The following ALG5 variants were observed in gnomAD, a reference collection of about 807,000 sequenced individuals.
ALG5 encodes ALG5 dolichyl-phosphate beta-glucosyltransferase, also known as dolichyl-phosphate beta-glucosyltransferase.
Under a neutral mutation model 51.8 loss-of-function variants are expected in ALG5, and 26 were observed. The ratio of observed to expected loss-of-function variants is 0.50; its 90% confidence interval spans 0.37 to 0.70. ALG5 has a LOEUF of 0.70. Among genes scored for constraint, ALG5 ranks in the 30% least tolerant of loss-of-function variants. The pLI, the probability that ALG5 is intolerant of heterozygous loss-of-function variation, is 0.00. For synonymous variants in ALG5, 141 were observed against 136.1 expected (o/e 1.04, Z -0.25); for missense variants, 311 against 399.3 (o/e 0.78, Z 1.88).
chr13:36,969,658 C>T (rs1292965491), intron 7 of ALG5, among the ~76,000 whole-genome samples: 2 of 151,976 alleles, frequency 1.3e-5, no homozygotes, highest in Non-Finnish European at 2.9e-5. Context: ...CCTCAGTCTC[C>T]CAAGTAGCTG....
At chr13:36,987,300 C>T (rs1475712989) in intron 5 of ALG5, among the ~76,000 whole-genome samples, 2 of 152,142 alleles carry the variant, frequency 1.3e-5, no homozygotes, top group Admixed American at 1.3e-4. Flanking sequence ...TCCCTGTTAC[C>T]CAAGGCCAGT....
intron 6 of ALG5, among the ~76,000 whole-genome samples, chr13:36,979,997 A>C (rs1052412021): frequency 5.9e-5 from 9 of 152,212 alleles, no homozygotes; most frequent in Non-Finnish European, 1.2e-4. Context: ...CAGTGAGCCA[A>C]GATCGCATCA....
intron 8 of ALG5, among the ~76,000 whole-genome samples, chr13:36,962,073 C>A (rs1593661741): frequency 6.6e-6 from 1 of 152,336 alleles, no homozygotes; most frequent in East Asian, 1.9e-4. Context: ...CAGGCGTGAG[C>A]CACTACGCCC....
At chr13:36,972,188 T>C (rs2058927155) in intron 6 of ALG5, 152 bp from the exon 7 acceptor site, 1 of 695,920 alleles carries the variant, frequency 1.4e-6, no homozygotes, top group East Asian at 2.9e-5. Context: ...TCAGAATATG[T>C]ACAACTTTGA....
intron 8 of ALG5, among the ~76,000 whole-genome samples, chr13:36,959,962 G>C (rs974612176): frequency 2.6e-5 from 4 of 151,916 alleles, no homozygotes; most frequent in African/African-American, 9.7e-5. Flanking sequence ...AAGAAATGCA[G>C]AATCTGTGTT....
chr13:36,962,683 C>A (rs1220524148), intron 8 of ALG5, among the ~76,000 whole-genome samples: 1 of 151,938 alleles, frequency 6.6e-6, no homozygotes, highest in Admixed American at 6.6e-5. Context: ...AAAAGGCTTG[C>A]ATGTAACATT....
In ALG5 at chr13:36,995,573, A is replaced by G. The variant is rs889915349; in HGVS notation, c.90T>C (p.Thr30=). The G allele has an allele frequency of 5.2e-5, 84 of 1,602,882 alleles. No homozygotes were observed. The highest frequency in any genetic ancestry group is 6.7e-5 in the Non-Finnish European group (79 of 1,177,666). ...GATGGAGTGCTGGCATTTTTGTAGC[A>G]GTTGTAAATGCAACGATGGAAATCT... The part of the protein sequence containing the change: ...LVLISIVAFT[T]ATKMPALHRH... Residue 30 remains threonine, a synonymous_variant, in exon 2 of 10, where the codon ACT becomes ACC. Transcript: ENST00000239891.
chr13:36,967,862 G>A (rs747381845), intron 7 of ALG5: 9 of 1,070,484 alleles, frequency 8.4e-6, no homozygotes, highest in Non-Finnish European at 1.1e-5. Flanking sequence ...ATTAAAGGTA[G>A]AAAAACAATA....
At chr13:36,992,858 T>G (rs1358165177) in intron 4 of ALG5, among the ~76,000 whole-genome samples, 1 of 152,170 alleles carries the variant, frequency 6.6e-6, no homozygotes, top group Non-Finnish European at 1.5e-5. Flanking sequence ...CTAAATATAA[T>G]TTCAACTTTC....
At chr13:36,975,895 C>T (rs2058947926) in intron 6 of ALG5, among the ~76,000 whole-genome samples, 1 of 151,698 alleles carries the variant, frequency 6.6e-6, no homozygotes, top group South Asian at 2.1e-4. Flanking sequence ...GTAGCGTGCC[C>T]CTGTAGTCCC....
rs999890561 is a variant in ALG5, at chr13:36,989,727, G to A, written c.355-151C>T. ...CCACTGTACATTCTGATGACCTGGA[G>A]GAGCTGTAGAAATCTTGGTGCCATT... On this transcript the variant is annotated intron_variant, in intron 4 of 9. Transcript: ENST00000239891. 5.0e-6 allele frequency: 3 copies of A among 595,284 alleles called. No homozygotes were observed. The African/African-American group carries it at 5.6e-5, about 11-fold the overall frequency. 36.9% of individuals were successfully genotyped at this position (595,284 alleles called of 1,614,324 possible).
intron 9 of ALG5, among the ~76,000 whole-genome samples, chr13:36,951,456 A>C (rs2058817636): frequency 6.6e-6 from 1 of 152,210 alleles, no homozygotes. Flanking sequence ...TTCTGTCCCT[A>C]AACATCTGAG....
At chr13:36,953,483 AC>A (rs1309213989) in intron 8 of ALG5, among the ~76,000 whole-genome samples, 1 of 152,230 alleles carries the variant, frequency 6.6e-6, no homozygotes, top group Admixed American at 6.5e-5. Context: ...GAAAAGCACT[AC>A]TACCTGTTAA....
chr13:36,964,919 C>CA (rs34435719), intron 8 of ALG5, among the ~76,000 whole-genome samples: 110,738 of 136,770 alleles, frequency 0.81, 44,626 homozygotes, highest in East Asian at 0.98. Context: ...GAGCGAAACT[C>CA]AAAAAAAAAA....
rs757781743 is a variant in ALG5, at chr13:36,989,533, C to A, written c.398G>T (p.Arg133Leu). ...ACGATTCTTCACCAGGGTTATCACA[C>A]GTACTTTGTCACTTCCATATTTCTG... is the stretch of plus-strand genomic sequence containing the variant. ...YCQKYGSDKV[R>L]VITLVKNRGK... Residue 133 changes from arginine to leucine, a missense_variant, in exon 5 of 10, where the codon CGT (arginine) becomes CTT (leucine). Coordinates refer to ENST00000239891, the MANE Select transcript of ALG5 (RefSeq NM_013338.5). 1 of 1,612,882 alleles carries A rather than the reference C, an allele frequency of 6.2e-7. No homozygotes were observed. The highest frequency in any genetic ancestry group is 8.5e-7 in the Non-Finnish European group (1 of 1,179,308).
intron 9 of ALG5, among the ~76,000 whole-genome samples, chr13:36,951,625 T>C (rs753096955): frequency 1.3e-5 from 2 of 152,194 alleles, no homozygotes; most frequent in East Asian, 1.9e-4. Context: ...TAAAATTCTA[T>C]ACAGCCAGAG....
intron 7 of ALG5, chr13:36,967,873 C>A: frequency 9.9e-7 from 1 of 1,012,270 alleles, no homozygotes; most frequent in Non-Finnish European, 1.3e-6. Context: ...AAAAACAATA[C>A]CTATAAATTA....
intron 7 of ALG5, among the ~76,000 whole-genome samples, chr13:36,968,569 A>G (rs2058906158): frequency 6.6e-6 from 1 of 152,232 alleles, no homozygotes; most frequent in Non-Finnish European, 1.5e-5. Context: ...ACAAGACTCT[A>G]TCAGGGCAGT....
At chr13:36,982,526 G>A (rs150450393) in intron 6 of ALG5, among the ~76,000 whole-genome samples, 9 of 152,350 alleles carry the variant, frequency 5.9e-5, no homozygotes, top group East Asian at 1.9e-4. Context: ...ACAATAGAGC[G>A]TTGAGCAGCT....
Sources: allele counts gnomAD v4.1 joint callset (sites outside exome capture counted in the v4.1 genomes callset), GRCh38; gene constraint gnomAD v4.1.1; transcripts MANE v1.5; gene names NCBI Gene and HGNC (gene_info 2026-07-23, HGNC 2026-07-21).